The following SYN2 variants were observed in gnomAD, a reference collection of about 807,000 sequenced individuals.
The protein encoded by SYN2 is synapsin II, also known as synapsin-2.
Under a neutral mutation model 50.9 loss-of-function variants are expected in SYN2, and 19 were observed. The observed-to-expected ratio is 0.37, with a 90% CI of 0.26 to 0.55. The LOEUF (loss-of-function observed/expected upper bound fraction) is 0.55, where lower values mean the gene tolerates loss of function less well. Ranked by LOEUF, SYN2 falls within the 20% of genes least tolerant of loss-of-function variation. SYN2 has a pLI of 0.81. For synonymous variants in SYN2, 255 were observed against 224.9 expected, an observed-to-expected ratio of 1.13 and a Z score of -1.20; for missense variants, 587 against 576.4, an observed-to-expected ratio of 1.02 and a Z score of -0.19.
chr3:12,032,000 A>T (rs1209253627), intron 1 of SYN2, among the ~76,000 whole-genome samples: 2 of 147,924 alleles, frequency 1.4e-5, no homozygotes, highest in Admixed American at 1.4e-4. Flanking sequence ...ATTTGGCATG[A>T]TTTTGCAGCG....
chr3:12,162,345 C>T (rs560793214), intron 7 of SYN2, among the ~76,000 whole-genome samples, 191 bp downstream of exon 7: 36 of 152,222 alleles, frequency 2.4e-4, no homozygotes, highest in Middle Eastern at 6.8e-3. Flanking sequence ...TTTTCACTTG[C>T]CTCTAAGGGA....
At chr3:12,116,650 G>C (rs1360314806) in intron 1 of SYN2, among the ~76,000 whole-genome samples, 2 of 152,192 alleles carry the variant, frequency 1.3e-5, no homozygotes, top group African/African-American at 4.8e-5. Context: ...CTCCTCTACA[G>C]TAAAGATTCT....
chr3:12,034,410 G>C (rs541134727), intron 1 of SYN2, among the ~76,000 whole-genome samples: 1 of 152,204 alleles, frequency 6.6e-6, no homozygotes, highest in South Asian at 2.1e-4. Context: ...TTCTGTTGTT[G>C]AGTTGTAAGC....
intron 12 of SYN2, among the ~76,000 whole-genome samples, chr3:12,189,004 C>T (rs1315020610): frequency 6.6e-6 from 1 of 152,236 alleles, no homozygotes; most frequent in Non-Finnish European, 1.5e-5. Flanking sequence ...AGTGCCCCCA[C>T]TCCCAGAGGC....
chr3:12,158,688 G>A (rs201382686), intron 5 of SYN2: 50 of 1,609,544 alleles, frequency 3.1e-5, no homozygotes, highest in Admixed American at 6.7e-5. Flanking sequence ...GGACCTCGCG[G>A]ACCTCGGACT....
intron 1 of SYN2, among the ~76,000 whole-genome samples, chr3:12,065,780 A>G (rs1037939421): frequency 6.7e-6 from 1 of 148,590 alleles, no homozygotes; most frequent in Admixed American, 6.7e-5. Context: ...GACGGAATCA[A>G]TCATAAACCA....
intron 1 of SYN2, among the ~76,000 whole-genome samples, chr3:12,126,219 G>A (rs1304068720): frequency 6.6e-6 from 1 of 152,168 alleles, no homozygotes; most frequent in African/African-American, 2.4e-5. Context: ...TCCAAATGAT[G>A]TGCTTCATAG....
chr3:12,063,007 A>G (rs889786907), intron 1 of SYN2, among the ~76,000 whole-genome samples: 4 of 152,010 alleles, frequency 2.6e-5, no homozygotes, highest in African/African-American at 7.2e-5. Flanking sequence ...CATGAGTCCA[A>G]TTATATGCCA....
At chr3:12,098,622 C>T (rs1003801161) in intron 1 of SYN2, among the ~76,000 whole-genome samples, 1 of 151,220 alleles carries the variant, frequency 6.6e-6, no homozygotes, top group Non-Finnish European at 1.5e-5. Context: ...GCAAATTTAG[C>T]ACAAAAGAGA....
chr3:12,119,858 T>A (rs1378431915), intron 1 of SYN2, among the ~76,000 whole-genome samples: 10 of 152,062 alleles, frequency 6.6e-5, no homozygotes, highest in Non-Finnish European at 1.0e-4. Flanking sequence ...TCACCTTGAG[T>A]TTTTTATACA....
intron 1 of SYN2, among the ~76,000 whole-genome samples, chr3:12,098,602 A>G (rs1293409041): frequency 1.3e-5 from 2 of 152,002 alleles, no homozygotes; most frequent in Non-Finnish European, 2.9e-5. Context: ...TAAATGGTAT[A>G]GTAGAAAATG....
chr3:12,190,366 C>T, intron 12 of SYN2, 124 bp from the exon 13 acceptor site: 1 of 1,126,850 alleles, frequency 8.9e-7, no homozygotes, highest in Non-Finnish European at 1.3e-6. Flanking sequence ...TGGCATTATC[C>T]TCCATCACCT....
At chr3:12,048,102 CT>C (rs1462299919) in intron 1 of SYN2, among the ~76,000 whole-genome samples, 1 of 152,116 alleles carries the variant, frequency 6.6e-6, no homozygotes, top group Non-Finnish European at 1.5e-5. Context: ...AAGATTTAGC[CT>C]TTTTATGCCT....
chr3:12,017,242 GA>G (rs1694044792), intron 1 of SYN2, among the ~76,000 whole-genome samples: 1 of 152,152 alleles, frequency 6.6e-6, no homozygotes, highest in Non-Finnish European at 1.5e-5. Flanking sequence ...AACAAGGTGG[GA>G]AAAATGATAA....
intron 1 of SYN2, among the ~76,000 whole-genome samples, chr3:12,109,191 A>T (rs1176314065): frequency 6.6e-6 from 1 of 152,234 alleles, no homozygotes; most frequent in Non-Finnish European, 1.5e-5. Flanking sequence ...ACAGAAACAG[A>T]CACAGATGAC....
At position 12,157,351 on chromosome 3, in the gene SYN2, T is replaced by C. The variant is rs1409576970; in HGVS notation, c.775-4195T>C. The C allele has an allele frequency of 4.4e-6, 7 of 1,600,060 alleles. No homozygotes were observed. The Admixed American group carries it at 5.0e-5, about 11-fold the overall frequency. ...CAGACTCCACTTTCTCCATCAGCCT[T>C]AGGGGCTACACATCCCAGCCTGCCC... On this transcript the variant is annotated intron_variant, in intron 5 of 12. Coordinates refer to ENST00000621198, the MANE Select transcript of SYN2 (RefSeq NM_133625.6).
At chr3:12,120,570 T>G (rs1292658921) in intron 1 of SYN2, among the ~76,000 whole-genome samples, 2 of 152,224 alleles carry the variant, frequency 1.3e-5, no homozygotes, top group African/African-American at 4.8e-5. Context: ...TCTGGCTGTG[T>G]CTTTCAGAGA....
In SYN2 at chr3:12,192,009, A is replaced by G. The variant is rs1381313732; in HGVS notation, c.*1384A>G. 6.6e-6 allele frequency among the ~76,000 whole-genome samples: 1 copy of G among 152,234 alleles called. No homozygotes were observed. Among genetic ancestry groups the G allele is most frequent in the East Asian group, 1.9e-4 (1 of 5,204 alleles). ...ATAAACACTACATCTGCACCAATAAAAAATCCATATATTAAAATGTTAATA... is the reference window on the plus strand; with the variant it reads ...ATAAACACTACATCTGCACCAATAAGAAATCCATATATTAAAATGTTAATA... On this transcript the variant is annotated 3_prime_UTR_variant, in exon 13 of 13. Transcript: ENST00000621198.
intron 1 of SYN2, among the ~76,000 whole-genome samples, chr3:12,017,454 A>G (rs1193597718): frequency 6.6e-6 from 1 of 152,154 alleles, no homozygotes; most frequent in Non-Finnish European, 1.5e-5. Context: ...CCTAACCATC[A>G]TGCTCTGTGA....
Sources: allele counts gnomAD v4.1 joint callset (sites outside exome capture counted in the v4.1 genomes callset), GRCh38; gene constraint gnomAD v4.1.1; transcripts MANE v1.5; gene names NCBI Gene and HGNC (gene_info 2026-07-23, HGNC 2026-07-21).